POLR3K: variants seen among roughly 807,000 people sequenced by gnomAD.
POLR3K encodes the protein RNA polymerase III subunit K, also known as DNA-directed RNA polymerase III subunit RPC10.
In POLR3K, 11 loss-of-function variants were observed where a neutral mutation model predicts 13.5. The observed-to-expected ratio is 0.81, with a 90% CI of 0.51 to 1.35. The LOEUF (loss-of-function observed/expected upper bound fraction) is 1.35. Among genes scored for constraint, POLR3K ranks in the 40% most tolerant of loss-of-function variants. The pLI is 0.00. For synonymous variants in POLR3K, 56 were observed against 51.5 expected (o/e 1.09, Z -0.38); for missense variants, 144 against 145.3 (o/e 0.99, Z 0.05).
intron 2 of POLR3K, among the ~76,000 whole-genome samples, chr16:48,356 GTTC>G (rs1239928994): frequency 6.6e-6 from 1 of 152,132 alleles, no homozygotes; most frequent in African/African-American, 2.4e-5. Context: ...GAGTCCCATG[GTTC>G]TTCTCAAATC....
At chr16:48,613 C>A (rs1249642401) in intron 2 of POLR3K, among the ~76,000 whole-genome samples, 2 of 151,668 alleles carry the variant, frequency 1.3e-5, no homozygotes, top group Non-Finnish European at 2.9e-5. Context: ...AGATCGAGAC[C>A]ATCCTGGCTA....
intron 1 of POLR3K, among the ~76,000 whole-genome samples, chr16:52,446 CAAAAAAAAAAAAAAA>C (rs767411954): frequency 1.3e-4 from 10 of 74,194 alleles, no homozygotes; most frequent in South Asian, 9.9e-4. Flanking sequence ...GACTCTGTCT[CAAAAAAAAAAAAAAA>C]AAAAAAAAAA....
At chr16:52,551 C>G (rs946353417) in intron 1 of POLR3K, among the ~76,000 whole-genome samples, 1 of 148,516 alleles carries the variant, frequency 6.7e-6, no homozygotes, top group African/African-American at 2.5e-5. Flanking sequence ...GGGCAGATCA[C>G]GAGGTCAGGA....
At chr16:52,754 G>A (rs1248836129) in intron 1 of POLR3K, among the ~76,000 whole-genome samples, 22 of 107,404 alleles carry the variant, frequency 2.0e-4, no homozygotes, top group African/African-American at 5.5e-4. Flanking sequence ...CGACAGAGCG[G>A]GACTCCGTCT....
intron 2 of POLR3K, among the ~76,000 whole-genome samples, chr16:50,428 G>A (rs553139536): frequency 1.3e-5 from 2 of 152,244 alleles, no homozygotes; most frequent in East Asian, 3.9e-4. Flanking sequence ...AATGCTCACT[G>A]GTATTAACTT....
intron 2 of POLR3K, among the ~76,000 whole-genome samples, chr16:47,941 T>G (rs145089091): frequency 0.16 from 19,355 of 119,722 alleles, 1,700 homozygotes; most frequent in Middle Eastern, 0.37. Flanking sequence ...CAGGCTGGAG[T>G]GCAGTGGGGC....
At chr16:51,347 A>G (rs1426120648) in intron 2 of POLR3K, among the ~76,000 whole-genome samples, 1 of 152,186 alleles carries the variant, frequency 6.6e-6, no homozygotes, top group Non-Finnish European at 1.5e-5. Context: ...TGAGAATCTG[A>G]CCCGGGCCTG....
intron 2 of POLR3K, among the ~76,000 whole-genome samples, chr16:51,260 C>T (rs1006021209): frequency 1.3e-5 from 2 of 152,096 alleles, no homozygotes; most frequent in Non-Finnish European, 2.9e-5. Flanking sequence ...TTTATGCTCT[C>T]GCGGTCTACG....
intron 2 of POLR3K, among the ~76,000 whole-genome samples, chr16:48,240 C>T (rs1478527125): frequency 1.3e-5 from 2 of 151,992 alleles, no homozygotes; most frequent in African/African-American, 4.8e-5. Context: ...ATTTGATCCC[C>T]CTTGACAAGG....
Position 53,579 on chromosome 16 carries a change from A to T in POLR3K, c.8T>A (p.Leu3Gln). The change falls in exon 1 of 3, where the codon CTG (leucine) becomes CAG (glutamine). Residue 3 changes from leucine to glutamine, a missense_variant. Coordinates refer to ENST00000293860, the MANE Select transcript of POLR3K (RefSeq NM_016310.5). ...CCCGTTCCCGCAGCCGGGGCAGAAC[A>T]GCAGCATGGTCTCGAACTCCGCAGG... Reference protein sequence around the residue: MLLFCPGCGNGLI... With the variant: MLQFCPGCGNGLI... 6.2e-7 allele frequency: 1 copy of T among 1,612,080 alleles called. No homozygotes were observed. The highest frequency in any genetic ancestry group is 8.5e-7 in the Non-Finnish European group (1 of 1,179,268).
Position 46,876 on chromosome 16 carries a change from A to G in POLR3K, c.*554T>C, listed in dbSNP as rs765506332. The G allele has an allele frequency of 6.6e-6, 1 of 152,180 alleles. No individual in the cohort carries two copies. Among genetic ancestry groups the G allele is most frequent in the Non-Finnish European group, 1.5e-5 (1 of 68,044 alleles). The allele number at this position is 152,180 out of a possible 1,614,324, so 9.4% of individuals were successfully genotyped here. ...AAAGAAATTGAAATCCCGGTGATTA[A>G]CATTTTCGTAGCCTGTTCAAATGTA... On this transcript the variant is annotated 3_prime_UTR_variant, in exon 3 of 3. Transcript: ENST00000293860.
intron 1 of POLR3K, chr16:52,133 A>G (rs1248376843): frequency 1.3e-5 from 2 of 153,092 alleles, no homozygotes; most frequent in African/African-American, 4.8e-5. Flanking sequence ...TAGCACCAAC[A>G]TATTCTAACT....
intron 2 of POLR3K, among the ~76,000 whole-genome samples, chr16:49,298 C>T (rs532685319): frequency 7.2e-5 from 11 of 151,926 alleles, no homozygotes; most frequent in African/African-American, 2.7e-4. Context: ...ATTAGCTGGG[C>T]GTGGTGGCGC....
chr16:51,627 G>A lies in POLR3K; in HGVS notation c.130C>T (p.Pro44Ser), dbSNP rs1222058761. ...ITRKVTNRKY[P>S]KLKEVDDVLG... ...ACATCATCCACTTCTTTCAGTTTTG[G>A]GTACTTCCGATTTGTTACCTAACAA... Residue 44 changes from proline (P) to serine (S), a missense_variant, in exon 2 of 3, where the codon CCA (proline) becomes TCA (serine). Coordinates refer to ENST00000293860, the MANE Select transcript of POLR3K (RefSeq NM_016310.5). 2.5e-6 allele frequency: 4 copies of A among 1,613,758 alleles called. No individual in the cohort carries two copies. The highest frequency in any genetic ancestry group is 2.2e-5 in the East Asian group (1 of 44,890).
rs1432233259 is a variant in POLR3K at position 47,556 on chromosome 16, C to T, written c.201G>A (p.Glu67=). Residue 67 remains glutamate (E), a splice_region_variant and synonymous_variant, in exon 3 of 3, where the codon GAG becomes GAA. Transcript: ENST00000293860. ...AAWENVDSTA[E]SCPKCEHPRA... The stretch of plus-strand genomic sequence containing the variant: ...GAGGATGTTCGCATTTGGGACACGA[C>T]TCTGGCAATGAGAAAAAAGAAGTGA... 16 of 1,611,986 alleles carry T rather than the reference C, an allele frequency of 9.9e-6. No homozygotes were observed. In the Admixed American group the frequency reaches 2.7e-4, roughly 27 times the overall value.
In POLR3K at chr16:51,496, A is replaced by G. The variant is rs1897330133; in HGVS notation, c.199+62T>C. 4 of 1,289,126 alleles carry G rather than the reference A, an allele frequency of 3.1e-6. No homozygotes were observed. The African/African-American group carries it at 5.8e-5, about 19-fold the overall frequency. The allele number at this position is 1,289,126 out of a possible 1,614,324, so 79.9% of individuals were successfully genotyped here. On this transcript the variant is annotated intron_variant, in intron 2 of 2. Coordinates refer to ENST00000293860, the MANE Select transcript of POLR3K (RefSeq NM_016310.5). The stretch of plus-strand genomic sequence containing the variant: ...TATGACATCATAGACTCTGCCAAGC[A>G]GTGGCATCAACAGCCTCATAATTAT...
chr16:51,604 A>G lies in POLR3K; in HGVS notation c.153T>C (p.Asp51=). 2 of 1,614,192 alleles carry G rather than the reference A, an allele frequency of 1.2e-6. No individual in the cohort carries two copies. The highest frequency in any genetic ancestry group is 8.5e-7 in the Non-Finnish European group (1 of 1,180,018). ...CCCAGGCAGCTGCTCCACCAAGCAC[A>G]TCATCCACTTCTTTCAGTTTTGGGT... ...RKYPKLKEVD[D]VLGGAAAWEN... Residue 51 remains aspartate (D), a synonymous_variant, in exon 2 of 3, where the codon GAT becomes GAC. Coordinates refer to ENST00000293860, the MANE Select transcript of POLR3K (RefSeq NM_016310.5).
chr16:48,537 C>T (rs554333484), intron 2 of POLR3K, among the ~76,000 whole-genome samples: 8 of 152,180 alleles, frequency 5.3e-5, no homozygotes, highest in South Asian at 2.1e-4. Flanking sequence ...AAGGGCCGGG[C>T]GCGGTGGCTC....
At chr16:50,274 AG>A (rs1897320507) in intron 2 of POLR3K, among the ~76,000 whole-genome samples, 1 of 151,932 alleles carries the variant, frequency 6.6e-6, no homozygotes, top group Non-Finnish European at 1.5e-5. Context: ...GTTCTTTTAT[AG>A]GGGGAAAACC....
Sources: allele counts gnomAD v4.1 joint callset (sites outside exome capture counted in the v4.1 genomes callset), GRCh38; gene constraint gnomAD v4.1.1; transcripts MANE v1.5; gene names NCBI Gene and HGNC (gene_info 2026-07-23, HGNC 2026-07-21).